TBC1D30: variants seen among roughly 807,000 people sequenced by gnomAD.
TBC1D30 encodes TBC1 domain family, member 30.
Under a neutral mutation model 63.2 loss-of-function variants are expected in TBC1D30, and 31 were observed. The observed-to-expected ratio is 0.49, with a 90% CI of 0.37 to 0.66. TBC1D30 has a LOEUF of 0.66. TBC1D30 is among the 30% of genes least tolerant of loss of function. TBC1D30 has a pLI of 0.00. For missense variants in TBC1D30, 810 were observed against 953.6 expected (o/e 0.85, Z 1.98); for synonymous variants, 307 against 361.5 (o/e 0.85, Z 1.71).
intron 10 of TBC1D30, among the ~76,000 whole-genome samples, chr12:64,867,238 G>C (rs1878297882): frequency 6.6e-6 from 1 of 152,116 alleles, no homozygotes; most frequent in African/African-American, 2.4e-5. Context: ...GGCTGAGGCA[G>C]ATGCATCATG....
chr12:64,876,995 T>C lies in TBC1D30; in HGVS notation c.*1207T>C, dbSNP rs1879136422. 1 of 444,450 alleles carries C rather than the reference T, an allele frequency of 2.2e-6. No individual in the cohort carries two copies. Among genetic ancestry groups the C allele is most frequent in the Non-Finnish European group, 4.5e-6 (1 of 220,208 alleles). The allele number at this position is 444,450 out of a possible 1,614,324, so 27.5% of individuals were successfully genotyped here. A position where few individuals can be genotyped will look rare whatever the true frequency, so the allele number is the denominator to read the frequency against. ...CATTTCCTTCAGTGCAATAGGTGGG[T>C]TTAATGCTCTTTGTACACAGATGTA... is the stretch of plus-strand genomic sequence containing the variant. On this transcript the variant is annotated 3_prime_UTR_variant, in exon 12 of 12. Transcript: ENST00000539867.
chr12:64,771,482 C>T (rs1440445861), intron 1 of TBC1D30, among the ~76,000 whole-genome samples: 7 of 152,032 alleles, frequency 4.6e-5, no homozygotes, highest in Admixed American at 4.6e-4. Context: ...TAAGCTAAAA[C>T]ACTGCATTTG....
At chr12:64,854,988 A>G (rs1877179618) in intron 8 of TBC1D30, among the ~76,000 whole-genome samples, 1 of 152,304 alleles carries the variant, frequency 6.6e-6, no homozygotes, top group African/African-American at 2.4e-5. Flanking sequence ...GGACAGGTCT[A>G]GTGTTGATGA....
chr12:64,786,414 C>T (rs1871583143), intron 2 of TBC1D30, among the ~76,000 whole-genome samples: 1 of 152,040 alleles, frequency 6.6e-6, no homozygotes, highest in Non-Finnish European at 1.5e-5. Context: ...TGAATACAAC[C>T]TCCGCCTCCC....
In TBC1D30 at chr12:64,838,761, A is replaced by G. The variant is rs1334871703; in HGVS notation, c.842A>G (p.Gln281Arg). 6 of 1,536,480 alleles carry G rather than the reference A, an allele frequency of 3.9e-6. No individual in the cohort carries two copies. Among genetic ancestry groups the G allele is most frequent in the Non-Finnish European group, 5.2e-6 (6 of 1,146,992 alleles). The change falls in exon 7 of 12, where the codon CAG becomes CGG. Residue 281 changes from glutamine (Q) to arginine (R), a missense_variant. Gln to Arg is a conservative substitution (Grantham distance 43). Coordinates refer to ENST00000539867, the MANE Select transcript of TBC1D30 (RefSeq NM_015279.2). ...CTCTTTGCCACATGCCTCCCTAATC[A>G]GACCGTTTTAAAGATCTGGGATTCA... ...LTLFATCLPN[Q>R]TVLKIWDSVF...
intron 2 of TBC1D30, chr12:64,787,320 A>G (rs1244515047): frequency 2.1e-6 from 2 of 970,824 alleles, no homozygotes; most frequent in Non-Finnish European, 2.4e-6. Flanking sequence ...TTCTGCTAAC[A>G]TTTAACTATT....
In TBC1D30 at chr12:64,876,853, T is replaced by G; in HGVS notation, c.*1065T>G. ...TTCTAGCTCTCTCTCACCCAGCGGG[T>G]CAGGGATAGCACCTCTTGTCTCCAC... On this transcript the variant is annotated 3_prime_UTR_variant, in exon 12 of 12. Transcript: ENST00000539867. 2 of 456,018 alleles carry G rather than the reference T, an allele frequency of 4.4e-6. No homozygotes were observed. The highest frequency in any genetic ancestry group is 8.8e-6 in the Non-Finnish European group (2 of 226,788). The allele number at this position is 456,018 out of a possible 1,614,324, so 28.2% of individuals were successfully genotyped here. A position where few individuals can be genotyped will look rare whatever the true frequency, so the allele number is the denominator to read the frequency against.
At position 64,764,400 on chromosome 12, in the gene TBC1D30, C is replaced by T. The variant is rs1465039562; in HGVS notation, c.-376+4751C>T. ...TTATAGGAACAATAGTACTTTTCATCATGACCTCTGAAGTGTAACTTTCAC... is the reference window on the plus strand; with the variant it reads ...TTATAGGAACAATAGTACTTTTCATTATGACCTCTGAAGTGTAACTTTCAC... On this transcript the variant is annotated intron_variant, in intron 1 of 13. Coordinates refer to the TBC1D30 transcript ENST00000674237. Among the ~76,000 whole-genome samples the T allele has an allele frequency of 3.9e-5, 6 of 152,138 alleles. No homozygotes were observed. In the East Asian group the frequency reaches 1.2e-3, roughly 29 times the overall value.
At chr12:64,780,803 G>A in exon 1 of TBC1D30, 1 of 991,386 alleles carries the variant, frequency 1.0e-6, no homozygotes, top group Non-Finnish European at 1.2e-6. Context: ...CCGCGCGCCG[G>A]GGACCATGGA....
At chr12:64,779,815 G>A (rs1871182696), upstream of TBC1D30, among the ~76,000 whole-genome samples, 1 of 152,156 alleles carries the variant, frequency 6.6e-6, no homozygotes, top group Non-Finnish European at 1.5e-5. Context: ...AGAATATAAC[G>A]ACACTTAACT....
At chr12:64,874,803 A>T (rs1244399965) in intron 11 of TBC1D30, among the ~76,000 whole-genome samples, 198 bp from the exon 12 acceptor site, 1 of 152,158 alleles carries the variant, frequency 6.6e-6, no homozygotes, top group Non-Finnish European at 1.5e-5. Context: ...TCTTTAAAGA[A>T]GAGCGCATTG....
intron 8 of TBC1D30, among the ~76,000 whole-genome samples, chr12:64,859,910 C>G (rs1246075898): frequency 6.6e-6 from 1 of 152,092 alleles, no homozygotes; most frequent in Non-Finnish European, 1.5e-5. Flanking sequence ...ATTTGCCCAT[C>G]TGGATGCCGC....
At chr12:64,783,275 T>G (rs994105418) in intron 1 of TBC1D30, among the ~76,000 whole-genome samples, 1 of 152,184 alleles carries the variant, frequency 6.6e-6, no homozygotes, top group Non-Finnish European at 1.5e-5. Flanking sequence ...GGAGTCAGAC[T>G]CCTGGGTTGA....
intron 2 of TBC1D30, among the ~76,000 whole-genome samples, chr12:64,815,478 TC>T (rs1268796308): frequency 1.3e-5 from 2 of 152,218 alleles, no homozygotes; most frequent in African/African-American, 4.8e-5. Flanking sequence ...CTGTGAAGAA[TC>T]CTGCGTCTCT....
intron 1 of TBC1D30, among the ~76,000 whole-genome samples, chr12:64,767,021 T>C (rs1243356858): frequency 6.6e-6 from 1 of 152,026 alleles, no homozygotes; most frequent in Non-Finnish European, 1.5e-5. Flanking sequence ...CACAGCATAC[T>C]AAAACTTGGG....
At chr12:64,827,604 T>C (rs1048903404) in intron 1 of TBC1D30, among the ~76,000 whole-genome samples, 2 of 152,176 alleles carry the variant, frequency 1.3e-5, no homozygotes, top group Non-Finnish European at 2.9e-5. Flanking sequence ...ACTCCAGGCA[T>C]CTATGTAAAC....
chr12:64,783,562 G>A (rs1046316658), intron 1 of TBC1D30, among the ~76,000 whole-genome samples: 6 of 152,010 alleles, frequency 3.9e-5, no homozygotes, highest in Admixed American at 2.6e-4. Context: ...GGCTATGGCC[G>A]ATGTCATGGA....
At chr12:64,803,898 G>A (rs1469468580) in intron 2 of TBC1D30, among the ~76,000 whole-genome samples, 2 of 152,170 alleles carry the variant, frequency 1.3e-5, no homozygotes. Context: ...TTTGGTTACT[G>A]TAGCTGTATA....
At position 64,877,016 on chromosome 12, in the gene TBC1D30, A is replaced by G. The variant is rs1879138334; in HGVS notation, c.*1228A>G. On this transcript the variant is annotated 3_prime_UTR_variant, in exon 12 of 12. Coordinates refer to ENST00000539867, the MANE Select transcript of TBC1D30 (RefSeq NM_015279.2). ...TGGGTTTAATGCTCTTTGTACACAG[A>G]TGTATTGGCTACATAGCGTGTAAAA... 4.7e-6 allele frequency: 2 copies of G among 422,866 alleles called. No homozygotes were observed. Among genetic ancestry groups the G allele is most frequent in the Admixed American group, 2.5e-5 (1 of 40,320 alleles). 26.2% of individuals were successfully genotyped at this position (422,866 alleles called of 1,614,324 possible). A position where few individuals can be genotyped will look rare whatever the true frequency, so the allele number is the denominator to read the frequency against.
Sources: gnomAD v4.1 joint callset for allele counts (sites outside exome capture counted in the v4.1 genomes callset) on GRCh38, gnomAD v4.1.1 for gene constraint, MANE v1.5 for transcripts, NCBI Gene and HGNC (gene_info 2026-07-23, HGNC 2026-07-21) for gene names.